FLT1: variants seen among roughly 807,000 people sequenced by gnomAD.
The protein encoded by FLT1 is fms related receptor tyrosine kinase 1.
FLT1 carries 49 observed loss-of-function variants against 156.3 expected under a neutral mutation model. The ratio of observed to expected loss-of-function variants is 0.31; its 90% CI spans 0.25 to 0.40. The LOEUF (loss-of-function observed/expected upper bound fraction) is 0.40. Among genes scored for constraint, FLT1 ranks in the 10% least tolerant of loss-of-function variants. The probability of loss-of-function intolerance (pLI) is 1.00; values close to 1 mark genes in which losing one functional copy is unlikely to be tolerated. For missense variants in FLT1, 1,322 were observed against 1,637.2 expected, an observed-to-expected ratio of 0.81 and a Z score of 3.32; for synonymous variants, 594 against 583.8, an observed-to-expected ratio of 1.02 and a Z score of -0.25.
chr13:28,303,215 C>T lies in FLT1; in HGVS notation c.3969G>A (p.Pro1323=), dbSNP rs142100250. ...GGACCACCGAGTTGTAGTCTGGGGG[C>T]GGGGAGCAGCACGCGATTTTCCTTT... ...ELERKIACCS[P]PPDYNSVVLY... The change falls in exon 30 of 30, where the codon CCG becomes CCA. Residue 1323 remains proline (P), a synonymous_variant. Transcript: ENST00000282397. The T allele has an allele frequency of 5.6e-5, 91 of 1,613,058 alleles. No homozygotes were observed. In the African/African-American group the frequency reaches 1.0e-3, roughly 18 times the overall value.
At chr13:28,337,132 A>C (rs566741345) in intron 17 of FLT1, among the ~76,000 whole-genome samples, 3 of 150,836 alleles carry the variant, frequency 2.0e-5, no homozygotes, top group African/African-American at 4.9e-5. Context: ...ATTCCCTCCC[A>C]TGGGTTAGTG....
At chr13:28,311,548 T>G (rs1871004817) in intron 27 of FLT1, 42 bp downstream of exon 27, 4 of 1,541,770 alleles carry the variant, frequency 2.6e-6, no homozygotes, top group Non-Finnish European at 2.7e-6. Context: ...CTTTTTTTTG[T>G]TGGAAAATTC....
intron 1 of FLT1, among the ~76,000 whole-genome samples, chr13:28,485,898 T>C (rs1881130952): frequency 6.6e-6 from 1 of 152,166 alleles, no homozygotes; most frequent in African/African-American, 2.4e-5. Flanking sequence ...TGCCAAGGAC[T>C]ATAGATGCAT....
At chr13:28,494,289 C>G (rs1420295986) in intron 1 of FLT1, among the ~76,000 whole-genome samples, 1 of 152,236 alleles carries the variant, frequency 6.6e-6, no homozygotes, top group Non-Finnish European at 1.5e-5. Flanking sequence ...GCGGCCAGTG[C>G]CCAATATCAC....
At chr13:28,493,783 T>G (rs947893945) in intron 1 of FLT1, among the ~76,000 whole-genome samples, 2 of 152,172 alleles carry the variant, frequency 1.3e-5, no homozygotes, top group Non-Finnish European at 2.9e-5. Flanking sequence ...GGCGGCGGTC[T>G]AACTGCTGGT....
intron 1 of FLT1, among the ~76,000 whole-genome samples, chr13:28,473,819 A>G (rs12870405): frequency 4.7e-4 from 58 of 124,084 alleles, no homozygotes; most frequent in Admixed American, 1.1e-3. Flanking sequence ...AGAAAGAAAG[A>G]AAGAAAGAAA....
At chr13:28,403,633 C>T (rs969891679) in intron 11 of FLT1, among the ~76,000 whole-genome samples, 1 of 152,192 alleles carries the variant, frequency 6.6e-6, no homozygotes, top group Admixed American at 6.5e-5. Context: ...CTGACATGGT[C>T]AGGAAAAAGC....
intron 15 of FLT1, among the ~76,000 whole-genome samples, chr13:28,352,324 G>C (rs1240847437): frequency 6.6e-6 from 1 of 152,120 alleles, no homozygotes; most frequent in Non-Finnish European, 1.5e-5. Flanking sequence ...GATGTTATGT[G>C]CTTAAAATAG....
intron 10 of FLT1, among the ~76,000 whole-genome samples, chr13:28,420,797 T>C (rs1876956527): frequency 6.6e-6 from 1 of 152,226 alleles, no homozygotes. Context: ...TAATTTTACA[T>C]ACCCCACTGA....
In FLT1 at chr13:28,322,552, G is replaced by C; in HGVS notation, c.2954-193C>G. ...CTCCAGCCCACTTTATCCAAGCATG[G>C]GGGCAGGGGGATGATCCATTAAGAT... is the stretch of plus-strand genomic sequence containing the variant. On this transcript the variant is annotated intron_variant, in intron 21 of 29. Transcript: ENST00000282397. The surrounding 1 kb of genome is among the most constrained non-coding windows in gnomAD (Gnocchi z 4.3). 2 of 721,878 alleles carry C rather than the reference G, an allele frequency of 2.8e-6. No homozygotes were observed. The highest frequency in any genetic ancestry group is 5.0e-6 in the Non-Finnish European group (2 of 403,506). 44.7% of individuals were successfully genotyped at this position (721,878 alleles called of 1,614,324 possible).
chr13:28,396,282 C>T (rs563303115), intron 12 of FLT1, among the ~76,000 whole-genome samples: 8 of 152,254 alleles, frequency 5.3e-5, no homozygotes, highest in East Asian at 3.9e-4. Context: ...GGCTTACTGC[C>T]CATGTTTCCT....
chr13:28,393,501 TCGAAG>T (rs1874860487), intron 12 of FLT1, among the ~76,000 whole-genome samples: 1 of 151,932 alleles, frequency 6.6e-6, no homozygotes, highest in Non-Finnish European at 1.5e-5. Flanking sequence ...AAGTTTGGAG[TCGAAG>T]CGGTCAAGGA....
Position 28,306,767 on chromosome 13 carries a change from G to A in FLT1, c.3726C>T (p.Tyr1242=). 1 of 1,611,388 alleles carries A rather than the reference G, an allele frequency of 6.2e-7. No homozygotes were observed. The highest frequency in any genetic ancestry group is 8.5e-7 in the Non-Finnish European group (1 of 1,177,608). ...CCAACAGAGTGCTGCTGTCGCCCTGGTAGTCCTAGGGGGAGAAGGAGAAAG... is the reference window on the plus strand; with the variant it reads ...CCAACAGAGTGCTGCTGTCGCCCTGATAGTCCTAGGGGGAGAAGGAGAAAG... ...LPNATSMFDD[Y]QGDSSTLLAS... Residue 1242 remains tyrosine (Y), a synonymous_variant, in exon 29 of 30, where the codon TAC becomes TAT. Coordinates refer to ENST00000282397, the MANE Select transcript of FLT1 (RefSeq NM_002019.4).
intron 14 of FLT1, among the ~76,000 whole-genome samples, chr13:28,369,287 G>A (rs1003555355): frequency 6.6e-6 from 1 of 152,210 alleles, no homozygotes; most frequent in African/African-American, 2.4e-5. Context: ...CACTTTGGGA[G>A]GCCAAGGGGG....
At chr13:28,374,039 G>A (rs1873736811) in intron 14 of FLT1, among the ~76,000 whole-genome samples, 1 of 152,102 alleles carries the variant, frequency 6.6e-6, no homozygotes, top group Non-Finnish European at 1.5e-5. Flanking sequence ...AGTCAAAAAA[G>A]GAGAAGCTTT....
rs563096902 is a variant in FLT1 at position 28,344,426 on chromosome 13, A to C, written c.2355+1019T>G. ...AGGCAGCTACTCTTTCAGCTAACTCAGAGTTGCAGTTTGACATTTGTGTGG... is the reference window on the plus strand; with the variant it reads ...AGGCAGCTACTCTTTCAGCTAACTCCGAGTTGCAGTTTGACATTTGTGTGG... On this transcript the variant is annotated intron_variant, in intron 16 of 29. Coordinates refer to ENST00000282397, the MANE Select transcript of FLT1 (RefSeq NM_002019.4). Among the ~76,000 whole-genome samples the C allele has an allele frequency of 2.0e-5, 3 of 152,280 alleles. No homozygotes were observed. The South Asian group carries it at 6.2e-4, about 32-fold the overall frequency.
intron 3 of FLT1, among the ~76,000 whole-genome samples, chr13:28,450,976 G>T (rs922927849): frequency 6.6e-6 from 1 of 152,202 alleles, no homozygotes; most frequent in Non-Finnish European, 1.5e-5. Flanking sequence ...AGAAACAGGG[G>T]TAGCATGGGG....
chr13:28,352,649 A>G (rs978586268), intron 15 of FLT1, among the ~76,000 whole-genome samples: 1 of 152,190 alleles, frequency 6.6e-6, no homozygotes, highest in African/African-American at 2.4e-5. Context: ...CCTGTCCCTC[A>G]GCCCTCCTAT....
chr13:28,430,316 T>G, intron 7 of FLT1, 149 bp from the exon 8 acceptor site: 1 of 673,708 alleles, frequency 1.5e-6, no homozygotes, highest in South Asian at 1.7e-5. Context: ...ATGTTGATCA[T>G]GAATAGGATA....
Sources: gnomAD v4.1 joint callset for allele counts (sites outside exome capture counted in the v4.1 genomes callset) on GRCh38, gnomAD v4.1.1 for gene constraint, Gnocchi (gnomAD v3.1) non-coding constraint, MANE v1.5 for transcripts, NCBI Gene and HGNC (gene_info 2026-07-23, HGNC 2026-07-21) for gene names.